Variants in GALK2 observed in about 807,000 individuals in gnomAD.
GALK2 encodes the protein N-acetylgalactosamine kinase.
A neutral mutation model predicts 52.4 loss-of-function variants in GALK2; 36 were observed. The observed-to-expected ratio is 0.69, with a 90% CI of 0.53 to 0.91. GALK2 has a LOEUF of 0.91. Ranked by LOEUF, GALK2 falls within the 40% of genes least tolerant of loss-of-function variation. The pLI, the probability that GALK2 is intolerant of heterozygous loss-of-function variation, is 0.00. For missense variants in GALK2, 579 were observed against 559.1 expected, an observed-to-expected ratio of 1.04 and a Z score of -0.36; for synonymous variants, 176 against 199.1, an observed-to-expected ratio of 0.88 and a Z score of 0.98.
intron 7 of GALK2, among the ~76,000 whole-genome samples, chr15:49,284,889 C>T (rs2033165668): frequency 6.6e-6 from 1 of 152,104 alleles, no homozygotes; most frequent in South Asian, 2.1e-4. Context: ...TTAACTTGTT[C>T]CTCGCCTCTA....
At position 49,282,094 on chromosome 15, in the gene GALK2, C is replaced by T. The variant is rs879045353; in HGVS notation, c.603+9C>T. 1.1e-5 allele frequency: 18 copies of T among 1,591,726 alleles called. 1 individual carries two copies. The highest frequency in any genetic ancestry group is 1.1e-4 in the South Asian group (10 of 89,684). On this transcript the variant is annotated intron_variant, in intron 6 of 9. Coordinates refer to ENST00000560031, the MANE Select transcript of GALK2 (RefSeq NM_002044.4). ...TTGCAGAAGAAGGAACTGTAGGTAG[C>T]ATTCCAAGTAGGAACCATTCAGAAA...
chr15:49,184,711 A>G (rs758103247), intron 1 of GALK2, among the ~76,000 whole-genome samples: 1 of 152,228 alleles, frequency 6.6e-6, no homozygotes, highest in Non-Finnish European at 1.5e-5. Context: ...ATTAACACCA[A>G]TTACAAAAAG....
chr15:49,205,791 C>T (rs1440396755), intron 2 of GALK2, among the ~76,000 whole-genome samples: 1 of 152,110 alleles, frequency 6.6e-6, no homozygotes, highest in Non-Finnish European at 1.5e-5. Flanking sequence ...GGTTCTTGGT[C>T]ATGAAATCCT....
chr15:49,163,195 A>G (rs1251167397), intron 1 of GALK2, among the ~76,000 whole-genome samples: 1 of 152,250 alleles, frequency 6.6e-6, no homozygotes, highest in African/African-American at 2.4e-5. Flanking sequence ...GCAGGAATGT[A>G]GCAGTATACT....
chr15:49,349,674 T>C (rs1468371798), intron 3 of GALK2, among the ~76,000 whole-genome samples: 1 of 152,152 alleles, frequency 6.6e-6, no homozygotes, highest in Admixed American at 6.5e-5. Context: ...AGAAATATTC[T>C]AACTGTAAAA....
At position 49,319,591 on chromosome 15, in the gene GALK2, C is replaced by T. The variant is rs902395705; in HGVS notation, c.968-13C>T. 7 of 1,613,590 alleles carry T rather than the reference C, an allele frequency of 4.3e-6. No individual in the cohort carries two copies. Among genetic ancestry groups the T allele is most frequent in the Non-Finnish European group, 5.9e-6 (7 of 1,179,568 alleles). On this transcript the variant is annotated splice_polypyrimidine_tract_variant and intron_variant, in intron 8 of 9. Transcript: ENST00000560031. The stretch of plus-strand genomic sequence containing the variant: ...TATTCCTAACCTCCTTCCCCATCCT[C>T]TTCCTTCCTCAGTGCTCATCTTCAA...
At chr15:49,176,824 C>T (rs961759847) in intron 1 of GALK2, among the ~76,000 whole-genome samples, 4 of 152,156 alleles carry the variant, frequency 2.6e-5, no homozygotes, top group African/African-American at 9.7e-5. Flanking sequence ...ATGTAAGCAT[C>T]TGGGTTAGAC....
intron 2 of GALK2, 134 bp downstream of exon 2, chr15:49,201,384 C>A: frequency 1.8e-6 from 1 of 542,466 alleles, no homozygotes; most frequent in East Asian, 3.0e-5. Context: ...TAAGATGTGC[C>A]TTTGCATAAG....
At chr15:49,159,347 AGACG>A (rs1295456356) in intron 1 of GALK2, among the ~76,000 whole-genome samples, 1 of 152,182 alleles carries the variant, frequency 6.6e-6, no homozygotes, top group African/African-American at 2.4e-5. Context: ...AAGCCGAGGC[AGACG>A]GACCACCTGA....
At chr15:49,210,442 TA>T (rs1206787101) in intron 2 of GALK2, among the ~76,000 whole-genome samples, 1 of 150,824 alleles carries the variant, frequency 6.6e-6, no homozygotes, top group African/African-American at 2.5e-5. Flanking sequence ...TTTATTTTAT[TA>T]TTATTATTTT....
At chr15:49,288,578 GA>G (rs2033620722) in intron 7 of GALK2, among the ~76,000 whole-genome samples, 2 of 152,256 alleles carry the variant, frequency 1.3e-5, no homozygotes, top group South Asian at 4.1e-4. Context: ...AAATACTCAA[GA>G]ATGTAGCCAA....
chr15:49,315,013 C>T (rs552431052), intron 8 of GALK2, among the ~76,000 whole-genome samples: 1 of 152,308 alleles, frequency 6.6e-6, no homozygotes, highest in South Asian at 2.1e-4. Context: ...ATTTATTATA[C>T]AAGCCAAAAT....
At chr15:49,255,976 C>A (rs1566983224) in intron 5 of GALK2, among the ~76,000 whole-genome samples, 1 of 152,068 alleles carries the variant, frequency 6.6e-6, no homozygotes, top group Non-Finnish European at 1.5e-5. Flanking sequence ...TTGGAATAAA[C>A]TGTTTGAGAT....
intron 5 of GALK2, among the ~76,000 whole-genome samples, chr15:49,274,928 G>C (rs2031406148): frequency 6.6e-6 from 1 of 151,828 alleles, no homozygotes; most frequent in South Asian, 2.1e-4. Context: ...CCTTCTTCTG[G>C]CATACCTCCC....
chr15:49,198,151 C>T (rs373780847), intron 1 of GALK2, among the ~76,000 whole-genome samples: 21 of 152,308 alleles, frequency 1.4e-4, no homozygotes, highest in African/African-American at 5.1e-4. Context: ...TACCTACCAT[C>T]TCTCATTGCT....
rs181507473 is a variant in GALK2, at chr15:49,303,894, A to G, written c.967+11357A>G. ...GTATAATTTCTAAACTTGTAAATAT[A>G]TGTATTTAAGTCTAAGGAAATGTTA... is the stretch of plus-strand genomic sequence containing the variant. On this transcript the variant is annotated intron_variant, in intron 8 of 9. Coordinates refer to ENST00000560031, the MANE Select transcript of GALK2 (RefSeq NM_002044.4). Among the ~76,000 whole-genome samples, 345 of 152,370 alleles carry G rather than the reference A, an allele frequency of 2.3e-3. 2 individuals are homozygous for G. Among genetic ancestry groups the G allele is most frequent in the Non-Finnish European group, 3.1e-3 (213 of 68,036 alleles).
intron 5 of GALK2, among the ~76,000 whole-genome samples, chr15:49,270,591 C>G (rs2030353839): frequency 6.6e-6 from 1 of 152,168 alleles, no homozygotes; most frequent in African/African-American, 2.4e-5. Context: ...TGTAACAACT[C>G]TTGGAACACC....
Position 49,200,786 on chromosome 15 carries a change from C to T in GALK2, c.54-376C>T, listed in dbSNP as rs138532845. The stretch of plus-strand genomic sequence containing the variant: ...AGCCTTAGGAAACCAAATATACTAC[C>T]GCATGGTACACTTTTAATGTAAAGA... On this transcript the variant is annotated intron_variant, in intron 1 of 9. Coordinates refer to ENST00000560031, the MANE Select transcript of GALK2 (RefSeq NM_002044.4). 1.3e-3 allele frequency among the ~76,000 whole-genome samples: 202 copies of T among 152,240 alleles called. 1 individual carries two copies. The highest frequency in any genetic ancestry group is 4.5e-3 in the African/African-American group (187 of 41,546).
At chr15:49,196,768 T>C (rs1451129601) in intron 1 of GALK2, among the ~76,000 whole-genome samples, 2 of 152,208 alleles carry the variant, frequency 1.3e-5, no homozygotes, top group African/African-American at 4.8e-5. Context: ...TACAAGTAAT[T>C]ACTGTTTCAT....
Sources: gnomAD v4.1 joint callset for allele counts (sites outside exome capture counted in the v4.1 genomes callset) on GRCh38, gnomAD v4.1.1 for gene constraint, MANE v1.5 for transcripts, NCBI Gene and HGNC (gene_info 2026-07-23, HGNC 2026-07-21) for gene names.